The following SOS2 variants were observed in gnomAD, a reference collection of about 807,000 sequenced individuals.
The protein encoded by SOS2 is SOS Ras/Rho guanine nucleotide exchange factor 2.
SOS2 carries 65 observed loss-of-function variants against 148.2 expected under a neutral mutation model. The ratio of observed to expected loss-of-function variants is 0.44; its 90% CI spans 0.36 to 0.54. The LOEUF (loss-of-function observed/expected upper bound fraction) is 0.54. Ranked by LOEUF, SOS2 falls within the 20% of genes least tolerant of loss-of-function variation. The pLI is 0.00. For synonymous variants in SOS2, 539 were observed against 537.1 expected, an observed-to-expected ratio of 1.00 and a Z score of -0.05; for missense variants, 1,341 against 1,590.2, an observed-to-expected ratio of 0.84 and a Z score of 2.67.
At chr14:50,169,660 T>C (rs144473685) in intron 8 of SOS2, among the ~76,000 whole-genome samples, 3 of 152,082 alleles carry the variant, frequency 2.0e-5, no homozygotes, top group Non-Finnish European at 4.4e-5. Flanking sequence ...CAAAGTACAT[T>C]GTTGGTTTAT....
At chr14:50,146,193 A>G (rs1295636227) in intron 14 of SOS2, among the ~76,000 whole-genome samples, 1 of 152,128 alleles carries the variant, frequency 6.6e-6, no homozygotes. Flanking sequence ...AAATGGATAA[A>G]AATATAATAA....
chr14:50,152,100 T>C (rs563868750), intron 13 of SOS2, among the ~76,000 whole-genome samples: 9 of 152,242 alleles, frequency 5.9e-5, no homozygotes, highest in Non-Finnish European at 1.2e-4. Context: ...CATCTCAAAG[T>C]AGAAACAAAG....
In SOS2 at chr14:50,219,328, A is replaced by T. The variant is rs530043879; in HGVS notation, c.87+11869T>A. 9.8e-5 allele frequency among the ~76,000 whole-genome samples: 15 copies of T among 152,360 alleles called. No homozygotes were observed. The South Asian group carries it at 2.9e-3, about 29-fold the overall frequency. On this transcript the variant is annotated intron_variant, in intron 1 of 22. Coordinates refer to ENST00000216373, the MANE Select transcript of SOS2 (RefSeq NM_006939.4). ...AAGCCACAGTATATCTACACAATGG[A>T]ATACACTACTGAGCAATAAAAAGGA...
chr14:50,177,267 C>T (rs1363166557), intron 7 of SOS2, among the ~76,000 whole-genome samples: 1 of 152,136 alleles, frequency 6.6e-6, no homozygotes, highest in Non-Finnish European at 1.5e-5. Context: ...TTGCAATGAA[C>T]TGAGACTGTG....
intron 1 of SOS2, among the ~76,000 whole-genome samples, chr14:50,229,666 A>G (rs922183701): frequency 3.9e-5 from 6 of 152,274 alleles, no homozygotes; most frequent in African/African-American, 1.4e-4. Context: ...AGAAAACATA[A>G]ATCTGTTTCT....
intron 4 of SOS2, among the ~76,000 whole-genome samples, chr14:50,189,331 C>CAAAAGAAAAAAAA (rs1886040114): frequency 3.2e-5 from 1 of 31,486 alleles, no homozygotes; most frequent in African/African-American, 9.4e-5. Flanking sequence ...CACATAATAG[C>CAAAAGAAAAAAAA]AAAAAAAAAA....
chr14:50,123,825 G>C (rs1475966247), intron 21 of SOS2, among the ~76,000 whole-genome samples: 1 of 152,166 alleles, frequency 6.6e-6, no homozygotes, highest in Non-Finnish European at 1.5e-5. Flanking sequence ...TAAAAGTTAT[G>C]GTGGCTTGGA....
chr14:50,190,448 T>C (rs547621408), intron 4 of SOS2, among the ~76,000 whole-genome samples: 54 of 152,316 alleles, frequency 3.5e-4, no homozygotes, highest in African/African-American at 1.3e-3. Context: ...CCTAATCTTT[T>C]TGAATCTAAC....
chr14:50,125,621 A>C (rs1440882017), intron 21 of SOS2, among the ~76,000 whole-genome samples: 2 of 142,576 alleles, frequency 1.4e-5, no homozygotes, highest in African/African-American at 2.6e-5. Flanking sequence ...ACAGAGAGTA[A>C]TACTGACAAG....
intron 1 of SOS2, among the ~76,000 whole-genome samples, chr14:50,209,630 G>C (rs569389658): frequency 6.6e-6 from 1 of 151,810 alleles, no homozygotes; most frequent in Non-Finnish European, 1.5e-5. Flanking sequence ...GTGGTGGCAC[G>C]CAACTGTAGT....
intron 18 of SOS2, among the ~76,000 whole-genome samples, chr14:50,135,400 C>G (rs941180122): frequency 6.6e-6 from 1 of 151,142 alleles, no homozygotes. Context: ...TGATTTAGCA[C>G]TGCCAAAAAA....
intron 17 of SOS2, among the ~76,000 whole-genome samples, chr14:50,139,378 G>A (rs1313503958): frequency 6.6e-6 from 1 of 152,136 alleles, no homozygotes. Context: ...GGATATTTAG[G>A]AATGTCTAGA....
chr14:50,213,073 T>C (rs762189267), intron 1 of SOS2, among the ~76,000 whole-genome samples: 1 of 151,818 alleles, frequency 6.6e-6, no homozygotes, highest in Non-Finnish European at 1.5e-5. Flanking sequence ...AAATATGGAA[T>C]AAAGAAAATA....
chr14:50,150,977 C>T lies in SOS2; in HGVS notation c.2162-747G>A, dbSNP rs540663679. ...TGACCTCGTGATCTGCCTGCCTTGGCCTCTCAAAGTGCTGGGATTACAGGC... is the reference window on the plus strand; with the variant it reads ...TGACCTCGTGATCTGCCTGCCTTGGTCTCTCAAAGTGCTGGGATTACAGGC... On this transcript the variant is annotated intron_variant, in intron 13 of 22. Coordinates refer to ENST00000216373, the MANE Select transcript of SOS2 (RefSeq NM_006939.4). Among the ~76,000 whole-genome samples the T allele has an allele frequency of 2.8e-3, 420 of 152,118 alleles. 4 individuals carry two copies. Among genetic ancestry groups the T allele is most frequent in the Middle Eastern group, 0.017 (5 of 294 alleles).
chr14:50,230,304 G>C (rs775012848), intron 1 of SOS2, among the ~76,000 whole-genome samples: 17 of 152,134 alleles, frequency 1.1e-4, no homozygotes, highest in Non-Finnish European at 1.9e-4. Flanking sequence ...AAGAGACTAA[G>C]TCTGCATTAA....
Position 50,183,946 on chromosome 14 carries a change from C to T in SOS2, c.715-1340G>A, listed in dbSNP as rs183459448. Among the ~76,000 whole-genome samples the T allele has an allele frequency of 8.5e-5, 13 of 152,300 alleles. No homozygotes were observed. In the East Asian group the frequency reaches 1.2e-3, roughly 14 times the overall value. ...ATCACGGCTAGATGATATACTACAACATTTAGGCCATATAGGTATAGCCTG... is the reference window on the plus strand; with the variant it reads ...ATCACGGCTAGATGATATACTACAATATTTAGGCCATATAGGTATAGCCTG... On this transcript the variant is annotated intron_variant, in intron 5 of 22. Coordinates refer to ENST00000216373, the MANE Select transcript of SOS2 (RefSeq NM_006939.4).
intron 16 of SOS2, among the ~76,000 whole-genome samples, chr14:50,143,018 T>C (rs1369813037): frequency 6.6e-6 from 1 of 152,180 alleles, no homozygotes; most frequent in African/African-American, 2.4e-5. Context: ...GAGACTGATA[T>C]GTGCAACTAA....
intron 8 of SOS2, among the ~76,000 whole-genome samples, chr14:50,167,320 G>A (rs1885200362): frequency 6.6e-6 from 1 of 151,814 alleles, no homozygotes; most frequent in African/African-American, 2.4e-5. Flanking sequence ...CACACAAAAA[G>A]AATGACAAAG....
At chr14:50,207,236 A>G (rs1299925667) in intron 1 of SOS2, among the ~76,000 whole-genome samples, 1 of 152,152 alleles carries the variant, frequency 6.6e-6, no homozygotes, top group African/African-American at 2.4e-5. Context: ...TTTTTAGCTC[A>G]GCACAGTGGT....
Sources: gnomAD v4.1 joint callset for allele counts (sites outside exome capture counted in the v4.1 genomes callset) on GRCh38, gnomAD v4.1.1 for gene constraint, MANE v1.5 for transcripts, NCBI Gene and HGNC (gene_info 2026-07-23, HGNC 2026-07-21) for gene names.